SCNN1B: variants seen among roughly 807,000 people sequenced by gnomAD.
SCNN1B encodes the protein epithelial sodium channel subunit beta.
Under a neutral mutation model 65.3 loss-of-function variants are expected in SCNN1B, and 46 were observed. That is an observed-to-expected ratio of 0.70 (90% CI 0.56 to 0.90). SCNN1B has a LOEUF of 0.90. SCNN1B is among the 40% of genes least tolerant of loss of function. The probability of loss-of-function intolerance (pLI) is 0.00; values close to 1 mark genes in which losing one functional copy is unlikely to be tolerated. For missense variants in SCNN1B, 751 were observed against 830.5 expected (o/e 0.90, Z 1.18); for synonymous variants, 349 against 330.6 (o/e 1.06, Z -0.60).
chr16:23,304,499 A>G (rs565578801), intron 1 of SCNN1B, among the ~76,000 whole-genome samples: 23 of 152,284 alleles, frequency 1.5e-4, no homozygotes, highest in African/African-American at 4.3e-4. Flanking sequence ...CCATGCCCCA[A>G]TGGGCAGAGG....
chr16:23,362,891 T>A (rs1962581005), intron 4 of SCNN1B, among the ~76,000 whole-genome samples: 1 of 152,200 alleles, frequency 6.6e-6, no homozygotes. Flanking sequence ...ACAGCCCTGA[T>A]CCCACAGTTT....
At chr16:23,278,998 A>AT (rs1296202351) in intron 1 of SCNN1B, among the ~76,000 whole-genome samples, 37 of 149,502 alleles carry the variant, frequency 2.5e-4, no homozygotes, top group Admixed American at 1.1e-3. Context: ...TCTCACCTTA[A>AT]TAAAAAAAAA....
chr16:23,329,081 T>A (rs1961755242), intron 1 of SCNN1B, among the ~76,000 whole-genome samples: 1 of 136,166 alleles, frequency 7.3e-6, no homozygotes, highest in African/African-American at 2.8e-5. Context: ...ATTACAGGCA[T>A]GAGCCACCAT....
Position 23,348,833 on chromosome 16 carries a change from G to T in SCNN1B, c.234G>T (p.Glu78Asp). 1 of 1,614,158 alleles carries T rather than the reference G, an allele frequency of 6.2e-7. No individual in the cohort carries two copies. The highest frequency in any genetic ancestry group is 2.2e-5 in the East Asian group (1 of 44,866). ...TCATCAGGACCTACTTGAGCTGGGA[G>T]GTCAGCGTCTCCCTCTCCGTAGGCT... is the stretch of plus-strand genomic sequence containing the variant. ...GIFIRTYLSW[E>D]VSVSLSVGFK... The change falls in exon 2 of 13, where the codon GAG becomes GAT. Residue 78 changes from glutamate to aspartate, a missense_variant. Physicochemically the swap from Glu to Asp is conservative, Grantham distance 45. Coordinates refer to ENST00000343070, the MANE Select transcript of SCNN1B (RefSeq NM_000336.3). This position sits in a 1 kb window ranked among gnomAD's most constrained non-coding sequence, Gnocchi z 4.5.
At chr16:23,333,058 G>A (rs1961848847) in intron 1 of SCNN1B, among the ~76,000 whole-genome samples, 1 of 147,008 alleles carries the variant, frequency 6.8e-6, no homozygotes, top group Non-Finnish European at 1.5e-5. Context: ...GCGACAGAGT[G>A]AGACTCCAAA....
chr16:23,336,165 T>C (rs1961935168), intron 1 of SCNN1B, among the ~76,000 whole-genome samples: 1 of 152,208 alleles, frequency 6.6e-6, no homozygotes, highest in African/African-American at 2.4e-5. Context: ...TCACCATGAC[T>C]GTGGGTAAGT....
intron 1 of SCNN1B, among the ~76,000 whole-genome samples, chr16:23,312,109 C>T (rs1349707830): frequency 6.6e-6 from 1 of 151,898 alleles, no homozygotes; most frequent in Non-Finnish European, 1.5e-5. Context: ...TCTGGGGAGC[C>T]GATTCCTGTC....
At chr16:23,324,174 A>G (rs2141996426) in intron 1 of SCNN1B, among the ~76,000 whole-genome samples, 1 of 151,052 alleles carries the variant, frequency 6.6e-6, no homozygotes, top group South Asian at 2.1e-4. Context: ...AAGTCTGTCT[A>G]ACTCAAAAGC....
intron 1 of SCNN1B, among the ~76,000 whole-genome samples, chr16:23,310,597 T>C (rs940152865): frequency 6.6e-6 from 1 of 152,182 alleles, no homozygotes; most frequent in African/African-American, 2.4e-5. Flanking sequence ...AGATGGCTTG[T>C]GCCTGGGAGT....
intron 6 of SCNN1B, 111 bp from the exon 7 acceptor site, chr16:23,371,665 C>A: frequency 9.4e-7 from 1 of 1,065,298 alleles, no homozygotes; most frequent in Non-Finnish European, 1.5e-6. Context: ...CCCCCCCTGG[C>A]ACCTGCAGGG....
intron 1 of SCNN1B, among the ~76,000 whole-genome samples, chr16:23,327,603 C>T (rs1294682419): frequency 6.6e-6 from 1 of 152,140 alleles, no homozygotes; most frequent in African/African-American, 2.4e-5. Flanking sequence ...CATTGTGTGC[C>T]TGTATCGTAG....
At chr16:23,296,724 G>A (rs79571085) in intron 2 of SCNN1B, among the ~76,000 whole-genome samples, 2 of 152,144 alleles carry the variant, frequency 1.3e-5, no homozygotes, top group African/African-American at 2.4e-5. Context: ...ATCAGAGGAC[G>A]GGCGCAGTGC....
At chr16:23,304,843 C>T (rs1269740481) in intron 1 of SCNN1B, among the ~76,000 whole-genome samples, 2 of 152,152 alleles carry the variant, frequency 1.3e-5, no homozygotes, top group Non-Finnish European at 2.9e-5. Flanking sequence ...GTTTTCACAT[C>T]TGTAAAATGG....
intron 2 of SCNN1B, among the ~76,000 whole-genome samples, chr16:23,287,004 GTTGT>G (rs1189867105): frequency 8.0e-6 from 1 of 125,420 alleles, no homozygotes; most frequent in African/African-American, 3.8e-5. Context: ...TTGTTGCTGG[GTTGT>G]TTTTTTTTTT....
At chr16:23,306,270 C>G (rs1961218179) in intron 1 of SCNN1B, among the ~76,000 whole-genome samples, 1 of 151,598 alleles carries the variant, frequency 6.6e-6, no homozygotes, top group Admixed American at 6.6e-5. Flanking sequence ...ATGTTTCAAG[C>G]AAATTGTTTA....
intron 1 of SCNN1B, among the ~76,000 whole-genome samples, chr16:23,282,048 G>C (rs1960791578): frequency 6.6e-6 from 1 of 152,008 alleles, no homozygotes. Flanking sequence ...ACAAAAATTA[G>C]CCTGGCATGG....
intron 4 of SCNN1B, among the ~76,000 whole-genome samples, chr16:23,362,072 T>C (rs1962564498): frequency 1.3e-5 from 2 of 151,936 alleles, no homozygotes; most frequent in South Asian, 4.2e-4. Flanking sequence ...GGGCCAAGCA[T>C]GGTGGCTTAT....
intron 1 of SCNN1B, among the ~76,000 whole-genome samples, chr16:23,281,160 C>T (rs78819972): frequency 0.06 from 9,191 of 152,078 alleles, 769 homozygotes; most frequent in African/African-American, 0.18. Context: ...TTAAATAAGG[C>T]GGTGGCCCAC....
intron 1 of SCNN1B, among the ~76,000 whole-genome samples, chr16:23,341,413 T>C (rs751524896): frequency 3.3e-5 from 5 of 152,136 alleles, no homozygotes; most frequent in Non-Finnish European, 7.4e-5. Flanking sequence ...GAGTCTTAGA[T>C]ATGAAACCAA....
Sources: gnomAD v4.1 joint callset for allele counts (sites outside exome capture counted in the v4.1 genomes callset) on GRCh38, gnomAD v4.1.1 for gene constraint, Gnocchi (gnomAD v3.1) non-coding constraint, MANE v1.5 for transcripts, NCBI Gene and HGNC (gene_info 2026-07-23, HGNC 2026-07-21) for gene names.